SUGCT: variants seen among roughly 807,000 people sequenced by gnomAD.
SUGCT encodes succinyl-CoA:glutarate CoA-transferase.
SUGCT carries 41 observed loss-of-function variants against 55.0 expected under a neutral mutation model. The ratio of observed to expected loss-of-function variants is 0.74; its 90% CI spans 0.58 to 0.97. SUGCT has a LOEUF of 0.97. SUGCT is among the 50% of genes least tolerant of loss of function. The pLI, the probability that SUGCT is intolerant of heterozygous loss-of-function variation, is 0.00. For missense variants in SUGCT, 568 were observed against 547.8 expected (o/e 1.04, Z -0.37); for synonymous variants, 187 against 200.4 (o/e 0.93, Z 0.56).
intron 9 of SUGCT, among the ~76,000 whole-genome samples, chr7:40,358,540 C>G (rs10280188): frequency 0.57 from 86,172 of 151,754 alleles, 24,541 homozygotes; most frequent in South Asian, 0.65. Context: ...TGGTGAAACC[C>G]TGTCTCTACT....
the SUGCT span, among the ~76,000 whole-genome samples, chr7:40,902,116 TAAG>T: frequency 6.6e-6 from 1 of 152,124 alleles, no homozygotes; most frequent in African/African-American, 2.4e-5. Context: ...TGCAAAGAAA[TAAG>T]AAACTGTGTT....
intron 12 of SUGCT, among the ~76,000 whole-genome samples, chr7:40,505,918 A>G (rs1170795561): frequency 2.6e-5 from 4 of 152,044 alleles, no homozygotes; most frequent in Non-Finnish European, 1.5e-5. Context: ...TCTTACTCAC[A>G]ATGATTGTGT....
chr7:40,785,467 C>G (rs1445006611), intron 13 of SUGCT, among the ~76,000 whole-genome samples: 1 of 152,128 alleles, frequency 6.6e-6, no homozygotes, highest in Non-Finnish European at 1.5e-5. Flanking sequence ...AAATTAGTAA[C>G]CAGGAACTTA....
intron 13 of SUGCT, among the ~76,000 whole-genome samples, chr7:40,825,125 C>T (rs2128770903): frequency 6.6e-6 from 1 of 152,276 alleles, no homozygotes; most frequent in South Asian, 2.1e-4. Flanking sequence ...AGGATTCTGG[C>T]AGACCTGGAA....
In SUGCT at chr7:40,727,456, A is replaced by G. The variant is rs1016345875; in HGVS notation, c.1090-21978A>G. ...AGCAATTTTTATTTAGTCAAGTTCCAAGGCCCTGATAGTTTTTTTATGATA... is the reference window on the plus strand; with the variant it reads ...AGCAATTTTTATTTAGTCAAGTTCCGAGGCCCTGATAGTTTTTTTATGATA... On this transcript the variant is annotated intron_variant, in intron 12 of 13. Coordinates refer to ENST00000335693, the MANE Select transcript of SUGCT (RefSeq NM_001193313.2). 3.3e-5 allele frequency among the ~76,000 whole-genome samples: 5 copies of G among 152,142 alleles called. 1 individual carries two copies. Among genetic ancestry groups the G allele is most frequent in the South Asian group, 4.1e-4 (2 of 4,826 alleles).
At chr7:40,709,146 G>C (rs1785574654) in intron 12 of SUGCT, among the ~76,000 whole-genome samples, 1 of 152,188 alleles carries the variant, frequency 6.6e-6, no homozygotes, top group Admixed American at 6.5e-5. Flanking sequence ...TGATCCACCA[G>C]TTTTCAACCT....
chr7:40,285,143 T>C (rs1240612055), intron 8 of SUGCT, among the ~76,000 whole-genome samples: 2 of 152,164 alleles, frequency 1.3e-5, no homozygotes, highest in Admixed American at 1.3e-4. Context: ...AATTTTCTTA[T>C]TAGATACTTC....
chr7:40,185,516 G>A (rs1785450889), intron 3 of SUGCT, among the ~76,000 whole-genome samples: 1 of 151,928 alleles, frequency 6.6e-6, no homozygotes, highest in Non-Finnish European at 1.5e-5. Context: ...TTCCTAGCAG[G>A]GATTTATTGT....
chr7:40,203,954 T>A (rs1374023147), intron 6 of SUGCT, among the ~76,000 whole-genome samples: 1 of 152,148 alleles, frequency 6.6e-6, no homozygotes, highest in Non-Finnish European at 1.5e-5. Context: ...TATTGAATTG[T>A]TACTGGGTAT....
chr7:41,013,454 T>A, the SUGCT span, among the ~76,000 whole-genome samples: 9 of 152,314 alleles, frequency 5.9e-5, no homozygotes, highest in Non-Finnish European at 1.0e-4. Flanking sequence ...GTTGGAGTCA[T>A]TGACAGCCAG....
At chr7:40,305,784 C>G (rs1794821799) in intron 8 of SUGCT, among the ~76,000 whole-genome samples, 1 of 152,060 alleles carries the variant, frequency 6.6e-6, no homozygotes. Flanking sequence ...TTCTCAGTCT[C>G]CTAAGTAGCT....
chr7:40,663,987 C>A lies in SUGCT; in HGVS notation c.1090-85447C>A, dbSNP rs1475624244. 5.3e-5 allele frequency among the ~76,000 whole-genome samples: 8 copies of A among 152,142 alleles called. No individual in the cohort carries two copies. In the East Asian group the frequency reaches 1.2e-3, roughly 22 times the overall value. On this transcript the variant is annotated intron_variant, in intron 12 of 13. Coordinates refer to ENST00000335693, the MANE Select transcript of SUGCT (RefSeq NM_001193313.2). ...AGGTCACTGGGGGGAGGGCCTAATC[C>A]ATGTGACTATTGTCCTTATAAAAAG...
At chr7:40,404,789 A>G (rs1342512035) in intron 9 of SUGCT, among the ~76,000 whole-genome samples, 1 of 152,058 alleles carries the variant, frequency 6.6e-6, no homozygotes, top group Non-Finnish European at 1.5e-5. Flanking sequence ...TTTGATCCAT[A>G]TTTTGATAGC....
intron 6 of SUGCT, among the ~76,000 whole-genome samples, chr7:40,223,586 TC>T (rs1433919573): frequency 1.3e-5 from 2 of 152,220 alleles, no homozygotes; most frequent in Admixed American, 1.3e-4. Context: ...GATTTCATAT[TC>T]TTTTCTGCTC....
At chr7:40,165,567 C>A (rs889210667) in intron 1 of SUGCT, among the ~76,000 whole-genome samples, 4 of 152,182 alleles carry the variant, frequency 2.6e-5, no homozygotes, top group Non-Finnish European at 4.4e-5. Flanking sequence ...CAACAAATTA[C>A]ATTACAATTT....
At chr7:40,865,535 A>G (rs192447410), downstream of SUGCT, among the ~76,000 whole-genome samples, 15 of 152,334 alleles carry the variant, frequency 9.8e-5, no homozygotes, top group Non-Finnish European at 1.9e-4. Flanking sequence ...CCTAAAGTAA[A>G]TAAAATAGAA....
At chr7:40,249,312 G>GCTATCTATATCTATATATAT (rs1421104147) in intron 7 of SUGCT, among the ~76,000 whole-genome samples, 4 of 22,216 alleles carry the variant, frequency 1.8e-4, no homozygotes, top group Non-Finnish European at 2.9e-4. Flanking sequence ...ACACCAAAAA[G>GCTATCTATATCTATATATAT]CTATATATAT....
At chr7:40,728,316 C>T (rs977237039) in intron 12 of SUGCT, among the ~76,000 whole-genome samples, 1 of 151,964 alleles carries the variant, frequency 6.6e-6, no homozygotes, top group South Asian at 2.1e-4. Flanking sequence ...GTCAGGAGTT[C>T]GAGACCAGCC....
In SUGCT at chr7:40,734,825, T is replaced by G. The variant is rs73125719; in HGVS notation, c.1090-14609T>G. Among the ~76,000 whole-genome samples the G allele has an allele frequency of 3.1e-3, 465 of 152,308 alleles. 2 individuals carry two copies. Among genetic ancestry groups the G allele is most frequent in the Non-Finnish European group, 5.5e-3 (372 of 68,016 alleles). On this transcript the variant is annotated intron_variant, in intron 12 of 13. Coordinates refer to ENST00000335693, the MANE Select transcript of SUGCT (RefSeq NM_001193313.2). ...TTGCCTCAATGGCTTCTGAAGAGGA[T>G]GAAGCATCACTTCATTAATAAAGTA...
Sources: gnomAD v4.1 joint callset for allele counts (sites outside exome capture counted in the v4.1 genomes callset) on GRCh38, gnomAD v4.1.1 for gene constraint, MANE v1.5 for transcripts, NCBI Gene and HGNC (gene_info 2026-07-23, HGNC 2026-07-21) for gene names.